The following CFAP54 variants were observed in gnomAD, a reference collection of about 807,000 sequenced individuals.
The protein encoded by CFAP54 is cilia- and flagella-associated protein 54.
Under a neutral mutation model 370.4 loss-of-function variants are expected in CFAP54, and 290 were observed. The observed-to-expected ratio is 0.78, with a 90% CI of 0.71 to 0.86. The LOEUF is 0.86. Among genes scored for constraint, CFAP54 ranks in the 40% least tolerant of loss-of-function variants. The pLI is 0.00. For missense variants in CFAP54, 3,399 were observed against 3,528.7 expected (o/e 0.96, Z 0.93); for synonymous variants, 1,206 against 1,236.5 (o/e 0.98, Z 0.52).
intron 27 of CFAP54, 150 bp downstream of exon 27, chr12:96,621,871 G>GTTTGTTTT (rs1956495504): frequency 1.9e-5 from 1 of 51,416 alleles, no homozygotes; most frequent in African/African-American, 7.9e-5. Context: ...GAGCTTTTGG[G>GTTTGTTTT]TTTGTTTTTT....
Position 96,521,903 on chromosome 12 carries a change from TG to T in CFAP54, c.991del (p.Glu331AsnfsTer2). ...ALAKIDELRQ[L>X]ELMSSSKSQE... ...GCTAAAATTGATGAGTTAAGGCAACTGGAATTAATGAGTTCCTCAAAATCCC... is the reference window on the plus strand; with the variant it reads ...GCTAAAATTGATGAGTTAAGGCAACTGAATTAATGAGTTCCTCAAAATCCC... On this transcript the variant is annotated frameshift_variant, in exon 7 of 68. Coordinates refer to ENST00000524981, the MANE Select transcript of CFAP54 (RefSeq NM_001306084.2). LOFTEE classifies it high-confidence loss of function. 6.5e-7 allele frequency: 1 copy of T among 1,534,170 alleles called. No homozygotes were observed. Among genetic ancestry groups the T allele is most frequent in the Non-Finnish European group, 8.7e-7 (1 of 1,145,230 alleles).
At position 96,564,454 on chromosome 12, in the gene CFAP54, G is replaced by GTCT. The variant is rs1460765704; in HGVS notation, c.2411-5_2411-3dup. On this transcript the variant is annotated splice_polypyrimidine_tract_variant and intron_variant, in intron 17 of 67. Transcript: ENST00000524981. ...TACATACTTAATTGTTATGACAGTCGTCTTCTTCTTCAGTTTTGCAGACTC... is the reference window on the plus strand; with the variant it reads ...TACATACTTAATTGTTATGACAGTCGTCTTCTTCTTCTTCAGTTTTGCAGACTC... The GTCT allele has an allele frequency of 1.6e-4, 107 of 687,522 alleles. No homozygotes were observed. The East Asian group carries it at 2.8e-3, about 18-fold the overall frequency. The allele number at this position is 687,522 out of a possible 1,614,324, so 42.6% of individuals were successfully genotyped here.
chr12:96,784,036 A>C (rs1014932325), intron 60 of CFAP54, among the ~76,000 whole-genome samples: 4 of 152,208 alleles, frequency 2.6e-5, no homozygotes, highest in African/African-American at 9.7e-5. Context: ...TTGTAGATGT[A>C]ATTCATTCAC....
chr12:96,677,455 T>C (rs1957224323), intron 39 of CFAP54, among the ~76,000 whole-genome samples: 1 of 152,226 alleles, frequency 6.6e-6, no homozygotes, highest in East Asian at 1.9e-4. Flanking sequence ...TCATGAATTC[T>C]TCTAAGAAAA....
At chr12:96,645,246 G>C in intron 33 of CFAP54, 1 of 430,934 alleles carries the variant, frequency 2.3e-6, no homozygotes, top group South Asian at 1.6e-5. Flanking sequence ...ATACTGTGTA[G>C]CTATTAAAAA....
At chr12:96,637,884 A>T (rs1052737205) in intron 32 of CFAP54, among the ~76,000 whole-genome samples, 3 of 152,204 alleles carry the variant, frequency 2.0e-5, no homozygotes, top group African/African-American at 7.2e-5. Flanking sequence ...GTTTAGATGT[A>T]CAAATACCAT....
chr12:96,699,173 T>C (rs774484159), intron 45 of CFAP54, among the ~76,000 whole-genome samples: 5 of 152,184 alleles, frequency 3.3e-5, no homozygotes, highest in Non-Finnish European at 7.3e-5. Context: ...TATACTTCTA[T>C]GCAAACGAAG....
At chr12:96,520,362 G>A (rs1955291965) in intron 6 of CFAP54, among the ~76,000 whole-genome samples, 1 of 152,040 alleles carries the variant, frequency 6.6e-6, no homozygotes, top group African/African-American at 2.4e-5. Context: ...TGACCAACAT[G>A]GTGAAACCCT....
In CFAP54 at chr12:96,718,644, A is replaced by G. The variant is rs12298729; in HGVS notation, c.6804+122A>G. On this transcript the variant is annotated intron_variant, in intron 49 of 67. Coordinates refer to ENST00000524981, the MANE Select transcript of CFAP54 (RefSeq NM_001306084.2). ...TGAGAGCAGTTACCTTTTCTTGTGT[A>G]AGAATGGGTTGGAGCCAGAGGTGGA... 5,459 of 605,300 alleles carry G rather than the reference A, an allele frequency of 9.0e-3. 249 individuals are homozygous for G. In the African/African-American group the frequency reaches 0.092, roughly 10 times the overall value. 37.5% of individuals were successfully genotyped at this position (605,300 alleles called of 1,614,324 possible).
intron 27 of CFAP54, 132 bp from the exon 28 acceptor site, chr12:96,623,635 T>C (rs1956523637): frequency 3.4e-6 from 2 of 586,218 alleles, no homozygotes; most frequent in Non-Finnish European, 6.0e-6. Flanking sequence ...TGTTAATTAA[T>C]ATTGTTATGT....
At chr12:96,727,321 G>A (rs1238590272) in intron 50 of CFAP54, among the ~76,000 whole-genome samples, 5 of 151,694 alleles carry the variant, frequency 3.3e-5, no homozygotes, top group Non-Finnish European at 5.9e-5. Context: ...AAGTCTCTTT[G>A]TAGGTCACTC....
At chr12:96,498,540 C>T (rs1954984927) in intron 1 of CFAP54, among the ~76,000 whole-genome samples, 1 of 152,168 alleles carries the variant, frequency 6.6e-6, no homozygotes, top group Non-Finnish European at 1.5e-5. Context: ...GTAGTCCCAG[C>T]TACTCGGGAG....
intron 38 of CFAP54, 62 bp from the exon 39 acceptor site, chr12:96,663,768 G>A: frequency 8.4e-7 from 1 of 1,192,624 alleles, no homozygotes; most frequent in Non-Finnish European, 1.2e-6. Flanking sequence ...AACATTTCAA[G>A]TAAGCGAAAT....
Position 96,875,475 on chromosome 12 carries a change from G to A in CFAP54, c.*372G>A, listed in dbSNP as rs946466824. ...AGCTTATCTATTTCTTTATCAAGTTGCTTTGGCTTCCCCACTCTCTCCTGC... is the reference window on the plus strand; with the variant it reads ...AGCTTATCTATTTCTTTATCAAGTTACTTTGGCTTCCCCACTCTCTCCTGC... On this transcript the variant is annotated 3_prime_UTR_variant, in exon 68 of 68. Coordinates refer to ENST00000524981, the MANE Select transcript of CFAP54 (RefSeq NM_001306084.2). The A allele has an allele frequency of 6.6e-6, 1 of 151,994 alleles. No individual in the cohort carries two copies. Among genetic ancestry groups the A allele is most frequent in the Non-Finnish European group, 1.5e-5 (1 of 68,010 alleles). The allele number at this position is 151,994 out of a possible 1,614,324, so 9.4% of individuals were successfully genotyped here. A position where few individuals can be genotyped will look rare whatever the true frequency, so the allele number is the denominator to read the frequency against.
chr12:96,617,596 C>T (rs1364195235), intron 26 of CFAP54, among the ~76,000 whole-genome samples: 1 of 152,192 alleles, frequency 6.6e-6, no homozygotes, highest in African/African-American at 2.4e-5. Context: ...CCATGCAATC[C>T]AAAGCACCCT....
At chr12:96,639,814 A>G (rs1013208770) in intron 32 of CFAP54, among the ~76,000 whole-genome samples, 7 of 152,230 alleles carry the variant, frequency 4.6e-5, no homozygotes, top group African/African-American at 1.7e-4. Context: ...TATAAACAGA[A>G]CCAACGACAA....
intron 1 of CFAP54, among the ~76,000 whole-genome samples, chr12:96,495,849 G>T (rs1482037867): frequency 6.6e-6 from 1 of 151,956 alleles, no homozygotes; most frequent in Non-Finnish European, 1.5e-5. Context: ...AACAAAGCTG[G>T]TATTTTTCTT....
chr12:96,522,790 G>T (rs1321259615), intron 8 of CFAP54, among the ~76,000 whole-genome samples: 1 of 152,168 alleles, frequency 6.6e-6, no homozygotes, highest in South Asian at 2.1e-4. Context: ...CTGGTCATTT[G>T]GCCAGAGGGG....
intron 60 of CFAP54, among the ~76,000 whole-genome samples, chr12:96,770,009 A>G (rs1036511466): frequency 3.3e-5 from 5 of 152,194 alleles, no homozygotes; most frequent in African/African-American, 1.2e-4. Flanking sequence ...AGGGTCGATA[A>G]CAACTAATTA....
Sources: gnomAD v4.1 joint callset for allele counts (sites outside exome capture counted in the v4.1 genomes callset) on GRCh38, gnomAD v4.1.1 for gene constraint, MANE v1.5 for transcripts, NCBI Gene and HGNC (gene_info 2026-07-23, HGNC 2026-07-21) for gene names.